The following CTNND2 variants were observed in gnomAD, a reference collection of about 807,000 sequenced individuals.
CTNND2 encodes the protein catenin delta-2.
Under a neutral mutation model 144.4 loss-of-function variants are expected in CTNND2, and 22 were observed. The observed-to-expected ratio is 0.15, with a 90% confidence interval of 0.11 to 0.22. The LOEUF (loss-of-function observed/expected upper bound fraction) is 0.22. Among genes scored for constraint, CTNND2 ranks in the 10% least tolerant of loss-of-function variants. CTNND2 has a pLI of 1.00. For missense variants in CTNND2, 1,353 were observed against 1,618.8 expected (o/e 0.84, Z 2.82); for synonymous variants, 751 against 695.6 (o/e 1.08, Z -1.25).
At chr5:11,896,790 G>A (rs975838062) in intron 1 of CTNND2, among the ~76,000 whole-genome samples, 2 of 152,068 alleles carry the variant, frequency 1.3e-5, no homozygotes, top group African/African-American at 4.8e-5. Context: ...TATTTGCCTT[G>A]ATTATCTTCT....
intron 9 of CTNND2, among the ~76,000 whole-genome samples, chr5:11,278,527 G>A (rs1187185443): frequency 6.6e-6 from 1 of 152,156 alleles, no homozygotes; most frequent in Non-Finnish European, 1.5e-5. Flanking sequence ...GGAAAAGGGG[G>A]AGTGGGAAAA....
At chr5:11,341,909 C>T (rs556871059) in intron 9 of CTNND2, among the ~76,000 whole-genome samples, 2 of 152,202 alleles carry the variant, frequency 1.3e-5, no homozygotes, top group African/African-American at 4.8e-5. Context: ...ACTTGGGAGG[C>T]TGAGGTGGGA....
intron 1 of CTNND2, among the ~76,000 whole-genome samples, chr5:11,828,103 C>A (rs1017124574): frequency 6.6e-6 from 1 of 152,132 alleles, no homozygotes; most frequent in African/African-American, 2.4e-5. Context: ...GTGTTGCCAC[C>A]CAAATCTCAT....
In CTNND2 at chr5:11,820,294, G is replaced by C. The variant is rs61761638; in HGVS notation, c.37+83523C>G. ...TAAGAATGTCAACTTGAGATCCAAG[G>C]CTGCCTCTTTACCTTGGGCAATGTC... On this transcript the variant is annotated intron_variant, in intron 1 of 21. Transcript: ENST00000304623. Among the ~76,000 whole-genome samples the C allele has an allele frequency of 4.8e-3, 736 of 152,230 alleles. 8 individuals carry two copies. Among genetic ancestry groups the C allele is most frequent in the African/African-American group, 0.017 (688 of 41,552 alleles).
At chr5:11,103,277 C>G in intron 14 of CTNND2, among the ~76,000 whole-genome samples, 1 of 152,094 alleles carries the variant, frequency 6.6e-6, no homozygotes, top group East Asian at 1.9e-4. Flanking sequence ...CCACCGCACC[C>G]GGTCTATTTA....
chr5:11,871,403 A>G (rs2127050382), intron 1 of CTNND2, among the ~76,000 whole-genome samples: 1 of 152,286 alleles, frequency 6.6e-6, no homozygotes, highest in African/African-American at 2.4e-5. Context: ...GTCTAACAGG[A>G]TTATTAGGGG....
chr5:11,871,687 T>C (rs1735138690), intron 1 of CTNND2, among the ~76,000 whole-genome samples: 1 of 152,204 alleles, frequency 6.6e-6, no homozygotes, highest in African/African-American at 2.4e-5. Context: ...TTTTTGTCTC[T>C]AAATAATCTT....
chr5:11,277,325 A>G (rs1254958130), intron 9 of CTNND2, among the ~76,000 whole-genome samples: 1 of 152,060 alleles, frequency 6.6e-6, no homozygotes, highest in Admixed American at 6.5e-5. Context: ...TATAATTCAC[A>G]TCATCAATGA....
chr5:11,759,121 T>C (rs938479516), intron 1 of CTNND2, among the ~76,000 whole-genome samples: 1 of 152,044 alleles, frequency 6.6e-6, no homozygotes. Context: ...CATAGAAATA[T>C]TTTAGCATGA....
chr5:11,853,621 T>G (rs1251204828), intron 1 of CTNND2, among the ~76,000 whole-genome samples: 3 of 152,208 alleles, frequency 2.0e-5, no homozygotes, highest in Non-Finnish European at 2.9e-5. Context: ...CTTGGTGAAC[T>G]TGAAACTCAT....
chr5:11,099,966 TGTAC>T (rs1234835278), intron 14 of CTNND2, among the ~76,000 whole-genome samples: 4 of 151,714 alleles, frequency 2.6e-5, no homozygotes, highest in African/African-American at 4.9e-5. Flanking sequence ...AGATATTTTA[TGTAC>T]ATACATATAT....
chr5:11,387,519 G>A (rs1284833989), intron 6 of CTNND2, among the ~76,000 whole-genome samples: 1 of 152,108 alleles, frequency 6.6e-6, no homozygotes, highest in Non-Finnish European at 1.5e-5. Flanking sequence ...TTCTTCTGAA[G>A]CTCTACTGGG....
At chr5:11,482,708 C>A (rs1768399366) in intron 3 of CTNND2, among the ~76,000 whole-genome samples, 1 of 152,056 alleles carries the variant, frequency 6.6e-6, no homozygotes, top group Non-Finnish European at 1.5e-5. Flanking sequence ...GAGAAGCAGA[C>A]ATTTGAACAA....
chr5:11,260,475 T>C (rs1324517314), intron 9 of CTNND2, among the ~76,000 whole-genome samples: 1 of 152,200 alleles, frequency 6.6e-6, no homozygotes, highest in African/African-American at 2.4e-5. Context: ...TCAAAATATT[T>C]AAAAATTTCA....
chr5:11,671,144 C>G (rs190639065), intron 2 of CTNND2, among the ~76,000 whole-genome samples: 1 of 152,158 alleles, frequency 6.6e-6, no homozygotes, highest in Non-Finnish European at 1.5e-5. Context: ...CTGAGAGATC[C>G]GCTGTTAGTC....
chr5:11,113,088 C>T (rs965211682), intron 13 of CTNND2, among the ~76,000 whole-genome samples: 3 of 152,070 alleles, frequency 2.0e-5, no homozygotes, highest in Non-Finnish European at 4.4e-5. Flanking sequence ...TTGCAGTGAG[C>T]CAAGATTGCG....
At chr5:11,226,148 A>C (rs1740323343) in intron 10 of CTNND2, among the ~76,000 whole-genome samples, 1 of 152,190 alleles carries the variant, frequency 6.6e-6, no homozygotes, top group African/African-American at 2.4e-5. Flanking sequence ...CCATTGTTCC[A>C]CATCTCTCAG....
intron 1 of CTNND2, among the ~76,000 whole-genome samples, chr5:11,795,866 A>T (rs1427639345): frequency 6.6e-6 from 1 of 152,258 alleles, no homozygotes. Flanking sequence ...AGTACATTAC[A>T]GTTCTTTAGG....
At chr5:11,513,146 C>T (rs1771818041) in intron 3 of CTNND2, among the ~76,000 whole-genome samples, 1 of 152,120 alleles carries the variant, frequency 6.6e-6, no homozygotes, top group Non-Finnish European at 1.5e-5. Context: ...ACATGCAGAC[C>T]AGGGTCAGGA....
Sources: allele counts gnomAD v4.1 joint callset (sites outside exome capture counted in the v4.1 genomes callset), GRCh38; gene constraint gnomAD v4.1.1; transcripts MANE v1.5; gene names NCBI Gene and HGNC (gene_info 2026-07-23, HGNC 2026-07-21).